ROBO2: variants seen among roughly 807,000 people sequenced by gnomAD.
ROBO2 encodes the protein roundabout guidance receptor 2.
ROBO2 carries 53 observed loss-of-function variants against 160.8 expected under a neutral mutation model. The observed-to-expected ratio is 0.33, with a 90% CI of 0.26 to 0.41. The LOEUF (loss-of-function observed/expected upper bound fraction) is 0.41, where lower values mean the gene tolerates loss of function less well. Ranked by LOEUF, ROBO2 falls within the 10% of genes least tolerant of loss-of-function variation. ROBO2 has a pLI of 1.00. For synonymous variants in ROBO2, 664 were observed against 611.7 expected (o/e 1.09, Z -1.26); for missense variants, 1,577 against 1,722.4 (o/e 0.92, Z 1.49).
intron 2 of ROBO2, among the ~76,000 whole-genome samples, chr3:77,396,780 T>C (rs572943997): frequency 1.3e-5 from 2 of 152,182 alleles, no homozygotes; most frequent in East Asian, 3.9e-4. Context: ...TTCTTAATCT[T>C]GTCAGTGTCA....
chr3:77,053,559 A>G (rs770379036), intron 1 of ROBO2, among the ~76,000 whole-genome samples: 4 of 152,148 alleles, frequency 2.6e-5, no homozygotes, highest in Non-Finnish European at 5.9e-5. Context: ...TTGGTGGGTG[A>G]TGTCTCAAGA....
In ROBO2 at chr3:76,196,361, C is replaced by T. The variant is rs138690808; in HGVS notation, c.109+258759C>T. ...AAAGAATAAGTATTCCTATTTTCCC[C>T]GATGTATAGTCAGCTGTACCTTGGA... On this transcript the variant is annotated intron_variant, in intron 2 of 26. Transcript: ENST00000487694. Among the ~76,000 whole-genome samples the T allele has an allele frequency of 3.5e-3, 539 of 152,076 alleles. 7 individuals carry two copies. Among genetic ancestry groups the T allele is most frequent in the Admixed American group, 0.026 (396 of 15,264 alleles).
intron 2 of ROBO2, among the ~76,000 whole-genome samples, chr3:76,803,855 T>C (rs2064448565): frequency 1.3e-5 from 2 of 152,154 alleles, no homozygotes; most frequent in African/African-American, 2.4e-5. Context: ...CACTTCTAGC[T>C]AAGTCATGTA....
At chr3:76,054,554 G>T (rs2067769307) in intron 2 of ROBO2, among the ~76,000 whole-genome samples, 1 of 152,080 alleles carries the variant, frequency 6.6e-6, no homozygotes, top group South Asian at 2.1e-4. Flanking sequence ...TTGTTTACAT[G>T]CCTATTGCAT....
intron 2 of ROBO2, among the ~76,000 whole-genome samples, chr3:76,852,638 C>T (rs1356221063): frequency 1.3e-5 from 2 of 152,062 alleles, no homozygotes; most frequent in Admixed American, 6.6e-5. Context: ...CAAACAAGCC[C>T]TTAAAAATAA....
chr3:76,239,667 G>C (rs908383507), intron 2 of ROBO2, among the ~76,000 whole-genome samples: 2 of 152,070 alleles, frequency 1.3e-5, no homozygotes, highest in African/African-American at 4.8e-5. Flanking sequence ...GAGCCATGAT[G>C]GTCTCTACTT....
chr3:76,811,752 C>T (rs2065171720), intron 2 of ROBO2, among the ~76,000 whole-genome samples: 1 of 151,296 alleles, frequency 6.6e-6, no homozygotes, highest in African/African-American at 2.4e-5. Context: ...TGGCTTTTTG[C>T]TTAATTACCT....
rs139351933 is a variant in ROBO2 at position 76,093,411 on chromosome 3, G to A, written c.109+155809G>A. ...TTTTCTTTCTGTCAAAAATGCATAC[G>A]GCAAATCAAATATTTACTAGCAGTC... On this transcript the variant is annotated intron_variant, in intron 2 of 26. Transcript: ENST00000487694. 4.4e-4 allele frequency among the ~76,000 whole-genome samples: 64 copies of A among 145,416 alleles called. No homozygotes were observed. In the East Asian group the frequency reaches 0.011, roughly 24 times the overall value.
intron 2 of ROBO2, among the ~76,000 whole-genome samples, chr3:76,337,713 T>G (rs924778673): frequency 6.6e-6 from 1 of 152,318 alleles, no homozygotes; most frequent in Non-Finnish European, 1.5e-5. Flanking sequence ...CTTATTTCTT[T>G]ATGCGCAATG....
At chr3:76,676,393 C>G (rs1193381049) in intron 2 of ROBO2, among the ~76,000 whole-genome samples, 1 of 148,942 alleles carries the variant, frequency 6.7e-6, no homozygotes, top group African/African-American at 2.6e-5. Flanking sequence ...GCCTCCCTAG[C>G]CCTGCAGAAC....
intron 2 of ROBO2, among the ~76,000 whole-genome samples, chr3:76,049,405 T>TATATA (rs1559867206): frequency 7.9e-5 from 4 of 50,774 alleles, no homozygotes; most frequent in East Asian, 6.2e-4. Context: ...ATATATATAT[T>TATATA]TTTTTTTTTT....
At chr3:76,102,952 C>G (rs62268904) in intron 2 of ROBO2, among the ~76,000 whole-genome samples, 27,421 of 151,774 alleles carry the variant, frequency 0.18, 2,893 homozygotes, top group African/African-American at 0.29. Flanking sequence ...AGCCTCCCAA[C>G]TAGCTGGGAC....
chr3:77,530,210 G>A (rs1455118843), intron 6 of ROBO2, among the ~76,000 whole-genome samples: 2 of 151,898 alleles, frequency 1.3e-5, no homozygotes, highest in African/African-American at 4.8e-5. Flanking sequence ...GAAGAAATAT[G>A]TACCAAGCAT....
At chr3:77,557,791 G>T (rs963215365) in intron 8 of ROBO2, among the ~76,000 whole-genome samples, 153 bp from the exon 10 acceptor site, 2 of 151,822 alleles carry the variant, frequency 1.3e-5, no homozygotes, top group Non-Finnish European at 2.9e-5. Flanking sequence ...GATAGATTTA[G>T]AATATACATG....
At chr3:77,157,893 T>C (rs2150582750) in intron 2 of ROBO2, among the ~76,000 whole-genome samples, 1 of 152,098 alleles carries the variant, frequency 6.6e-6, no homozygotes, top group East Asian at 1.9e-4. Flanking sequence ...TAAACAATAA[T>C]AGTACACAGT....
intron 5 of ROBO2, among the ~76,000 whole-genome samples, chr3:77,497,400 G>T (rs2153603988): frequency 6.6e-6 from 1 of 152,226 alleles, no homozygotes; most frequent in South Asian, 2.1e-4. Flanking sequence ...TTAAATAGAA[G>T]AAGATGCACT....
chr3:77,214,296 G>A (rs564288831), intron 2 of ROBO2, among the ~76,000 whole-genome samples: 41 of 152,264 alleles, frequency 2.7e-4, no homozygotes, highest in African/African-American at 9.6e-4. Flanking sequence ...AGGACAGTTA[G>A]CTCTTCTTGT....
intron 1 of ROBO2, chr3:77,091,999 A>C (rs2070348414): frequency 6.7e-6 from 1 of 149,850 alleles, no homozygotes; most frequent in East Asian, 1.9e-4. Context: ...AAATAAATAA[A>C]TAAATAAATA....
chr3:76,464,271 T>G (rs1249676612), intron 2 of ROBO2, among the ~76,000 whole-genome samples: 1 of 152,172 alleles, frequency 6.6e-6, no homozygotes, highest in Non-Finnish European at 1.5e-5. Context: ...GAATAGTATG[T>G]AGAGACTGAG....
Sources: gnomAD v4.1 joint callset for allele counts (sites outside exome capture counted in the v4.1 genomes callset) on GRCh38, gnomAD v4.1.1 for gene constraint, MANE v1.5 for transcripts, NCBI Gene and HGNC (gene_info 2026-07-23, HGNC 2026-07-21) for gene names.